MCCC1: variants seen among roughly 807,000 people sequenced by gnomAD.
MCCC1 encodes the protein methylcrotonyl-CoA carboxylase subunit 1, also known as methylcrotonoyl-CoA carboxylase subunit alpha, mitochondrial.
A neutral mutation model predicts 83.8 loss-of-function variants in MCCC1; 64 were observed. The ratio of observed to expected loss-of-function variants is 0.76; its 90% CI spans 0.62 to 0.94. MCCC1 has a LOEUF of 0.94. MCCC1 is among the 40% of genes least tolerant of loss of function. The pLI, the probability that MCCC1 is intolerant of heterozygous loss-of-function variation, is 0.00. For missense variants in MCCC1, 807 were observed against 904.7 expected (o/e 0.89, Z 1.39); for synonymous variants, 322 against 315.4 (o/e 1.02, Z -0.22).
Position 183,041,575 on chromosome 3 carries a change from A to C in MCCC1, c.1259T>G (p.Val420Gly). 1 of 1,613,986 alleles carries C rather than the reference A, an allele frequency of 6.2e-7. No individual in the cohort carries two copies. Among genetic ancestry groups the C allele is most frequent in the Non-Finnish European group, 8.5e-7 (1 of 1,179,900 alleles). ...ADPSTRIETG[V>G]RQGDEVSVHY... ...ATTTTCTTTCACTTTACCTTGCCGTACTCCAGTTTCAATCCTGGTGGAAGG... is the reference window on the plus strand; with the variant it reads ...ATTTTCTTTCACTTTACCTTGCCGTCCTCCAGTTTCAATCCTGGTGGAAGG... Residue 420 changes from valine to glycine, a missense_variant, in exon 11 of 19, where the codon GTA becomes GGA. Transcript: ENST00000265594.
chr3:183,036,268 T>G (rs1044910629), intron 13 of MCCC1, among the ~76,000 whole-genome samples: 1 of 152,074 alleles, frequency 6.6e-6, no homozygotes, highest in Non-Finnish European at 1.5e-5. Flanking sequence ...TTCCTATGCT[T>G]GGATTCTATG....
intron 15 of MCCC1, chr3:183,022,828 A>T (rs1484725592): frequency 3.9e-6 from 1 of 258,854 alleles, no homozygotes; most frequent in Non-Finnish European, 7.3e-6. Context: ...TCACGTAAAC[A>T]TATAAAGATA....
Position 183,086,679 on chromosome 3 carries a change from T to C in MCCC1, c.369+14A>G, listed in dbSNP as rs753971653. 3.6e-5 allele frequency: 58 copies of C among 1,612,498 alleles called. No homozygotes were observed. The highest frequency in any genetic ancestry group is 4.7e-5 in the Non-Finnish European group (55 of 1,178,688). On this transcript the variant is annotated intron_variant, in intron 4 of 18. Coordinates refer to ENST00000265594, the MANE Select transcript of MCCC1 (RefSeq NM_020166.5). ...GTATTCCTTTTGCACTGCAAATCTCTTCACAACCCTCACCTGTGCAGCAGA... is the reference window on the plus strand; with the variant it reads ...GTATTCCTTTTGCACTGCAAATCTCCTCACAACCCTCACCTGTGCAGCAGA...
chr3:183,104,547 C>G (rs888155518), upstream of MCCC1, among the ~76,000 whole-genome samples: 4 of 152,130 alleles, frequency 2.6e-5, no homozygotes, highest in African/African-American at 9.7e-5. Flanking sequence ...GAAAGTCAAA[C>G]AGCAGACGGA....
At chr3:183,088,066 C>G (rs926567858) in intron 3 of MCCC1, among the ~76,000 whole-genome samples, 3 of 151,832 alleles carry the variant, frequency 2.0e-5, no homozygotes, top group African/African-American at 7.3e-5. Context: ...AGCAAGGGGT[C>G]CAGGGGCCAG....
At chr3:183,039,620 T>C (rs545359847) in intron 11 of MCCC1, among the ~76,000 whole-genome samples, 1 of 152,276 alleles carries the variant, frequency 6.6e-6, no homozygotes, top group African/African-American at 2.4e-5. Flanking sequence ...GATAAACCAA[T>C]GGCAGCTATC....
intron 1 of MCCC1, among the ~76,000 whole-genome samples, chr3:183,106,046 G>A (rs550074895): frequency 4.6e-5 from 6 of 130,558 alleles, no homozygotes; most frequent in South Asian, 2.6e-4. Flanking sequence ...CCCAGATCGC[G>A]CCATTACACT....
chr3:183,054,957 G>A (rs922763243), intron 8 of MCCC1, among the ~76,000 whole-genome samples: 9 of 152,286 alleles, frequency 5.9e-5, no homozygotes, highest in Middle Eastern at 3.4e-3. Context: ...CAGCCTAGGT[G>A]TGTGGTAGGC....
chr3:183,044,906 T>TTGTTG (rs1714415659), intron 10 of MCCC1, among the ~76,000 whole-genome samples: 1 of 150,632 alleles, frequency 6.6e-6, no homozygotes, highest in Non-Finnish European at 1.5e-5. Flanking sequence ...TCAAGACTGT[T>TTGTTG]TTGTTGTTGT....
chr3:183,102,343 A>G (rs558845530), upstream of MCCC1, among the ~76,000 whole-genome samples: 66 of 152,282 alleles, frequency 4.3e-4, no homozygotes, highest in South Asian at 2.9e-3. Context: ...AGCCTGGGTA[A>G]CAGAGTGAGA....
chr3:183,108,027 G>A (rs1719434444), intron 1 of MCCC1, among the ~76,000 whole-genome samples: 2 of 152,174 alleles, frequency 1.3e-5, no homozygotes, highest in Non-Finnish European at 2.9e-5. Flanking sequence ...AGAGACCTCT[G>A]TGCAGCTTCC....
At chr3:183,102,911 C>T (rs1413162418), upstream of MCCC1, among the ~76,000 whole-genome samples, 2 of 150,924 alleles carry the variant, frequency 1.3e-5, no homozygotes, top group Non-Finnish European at 3.0e-5. Flanking sequence ...CTCAGCCTCC[C>T]GAATAGCTAG....
intron 16 of MCCC1, among the ~76,000 whole-genome samples, chr3:183,020,999 G>T (rs1712121141): frequency 6.6e-6 from 1 of 152,154 alleles, no homozygotes; most frequent in Admixed American, 6.5e-5. Flanking sequence ...GGCAGAGCTT[G>T]CAGTGAGCCG....
upstream of MCCC1, among the ~76,000 whole-genome samples, chr3:183,099,889 TAAATAAGCTA>T (rs551404109): frequency 1.1e-4 from 16 of 152,032 alleles, no homozygotes; most frequent in East Asian, 2.9e-3. Flanking sequence ...GATGAAAAAA[TAAATAAGCTA>T]AAGTGAAAAT....
chr3:183,069,636 T>C (rs564203795), intron 7 of MCCC1, among the ~76,000 whole-genome samples: 5 of 152,260 alleles, frequency 3.3e-5, no homozygotes, highest in African/African-American at 9.6e-5. Flanking sequence ...TTGGAAGAGA[T>C]TAATGTCAAA....
At chr3:183,075,359 C>T (rs1314343557) in intron 4 of MCCC1, among the ~76,000 whole-genome samples, 3 of 152,212 alleles carry the variant, frequency 2.0e-5, no homozygotes, top group African/African-American at 4.8e-5. Flanking sequence ...CTTTTCTCCA[C>T]AACCTCCTGA....
At chr3:183,109,282 G>A (rs139622708) in intron 1 of MCCC1, among the ~76,000 whole-genome samples, 34 of 152,160 alleles carry the variant, frequency 2.2e-4, no homozygotes, top group East Asian at 5.8e-4. Flanking sequence ...GTGAGCCACC[G>A]TGCCTGGCCA....
intron 7 of MCCC1, among the ~76,000 whole-genome samples, chr3:183,067,678 C>A (rs1312308902): frequency 1.3e-5 from 2 of 152,136 alleles, no homozygotes; most frequent in African/African-American, 4.8e-5. Context: ...ACTGGTAATG[C>A]AAATATCTGA....
At chr3:183,071,158 A>G in intron 6 of MCCC1, 38 bp from the exon 7 acceptor site, 2 of 1,614,208 alleles carry the variant, frequency 1.2e-6, no homozygotes, top group South Asian at 2.2e-5. Flanking sequence ...CAACATAAAT[A>G]AAACAAAGAA....
Sources: gnomAD v4.1 joint callset for allele counts (sites outside exome capture counted in the v4.1 genomes callset) on GRCh38, gnomAD v4.1.1 for gene constraint, MANE v1.5 for transcripts, NCBI Gene and HGNC (gene_info 2026-07-23, HGNC 2026-07-21) for gene names.